The following ADAM32 variants were observed in gnomAD, a reference collection of about 807,000 sequenced individuals.
ADAM32 encodes the protein ADAM metallopeptidase domain 32, also known as disintegrin and metalloproteinase domain-containing protein 32.
Under a neutral mutation model 114.9 loss-of-function variants are expected in ADAM32, and 89 were observed. The observed-to-expected ratio is 0.77, with a 90% CI of 0.65 to 0.92. The LOEUF is 0.92. ADAM32 is among the 40% of genes least tolerant of loss of function. The pLI, the probability that ADAM32 is intolerant of heterozygous loss-of-function variation, is 0.00. For synonymous variants in ADAM32, 285 were observed against 307.5 expected (o/e 0.93, Z 0.77); for missense variants, 870 against 932.8 (o/e 0.93, Z 0.88).
intron 12 of ADAM32, among the ~76,000 whole-genome samples, chr8:39,217,670 G>C (rs1808675978): frequency 6.6e-6 from 1 of 151,494 alleles, no homozygotes; most frequent in African/African-American, 2.4e-5. Flanking sequence ...TTCTTCAGTA[G>C]GTCAATTGTG....
At chr8:39,271,062 T>C in intron 20 of ADAM32, 148 bp downstream of exon 20, 1 of 674,328 alleles carries the variant, frequency 1.5e-6, no homozygotes, top group Non-Finnish European at 2.5e-6. Context: ...TCTAATTTAG[T>C]TTCTAATAAA....
At chr8:39,114,192 T>G (rs1840281276) in intron 1 of ADAM32, among the ~76,000 whole-genome samples, 1 of 152,204 alleles carries the variant, frequency 6.6e-6, no homozygotes, top group African/African-American at 2.4e-5. Flanking sequence ...TCAGGATTAG[T>G]GTCAGTTCAG....
At chr8:39,124,618 G>A (rs561463985) in intron 2 of ADAM32, among the ~76,000 whole-genome samples, 27 of 151,990 alleles carry the variant, frequency 1.8e-4, no homozygotes, top group African/African-American at 2.7e-4. Flanking sequence ...GGGTTTCACC[G>A]TGTTAGCCAG....
chr8:39,274,637 T>C (rs1313997469), intron 21 of ADAM32, among the ~76,000 whole-genome samples: 10 of 152,188 alleles, frequency 6.6e-5, no homozygotes. Context: ...GTATAGGGCC[T>C]AGAAGTTACC....
chr8:39,232,857 T>A (rs1218346245), intron 15 of ADAM32, among the ~76,000 whole-genome samples: 2 of 152,196 alleles, frequency 1.3e-5, no homozygotes, highest in Non-Finnish European at 2.9e-5. Context: ...TCTGTAATGA[T>A]TTATTTCACT....
intron 20 of ADAM32, among the ~76,000 whole-genome samples, chr8:39,273,000 C>A (rs1309120076): frequency 6.6e-6 from 1 of 151,600 alleles, no homozygotes; most frequent in Non-Finnish European, 1.5e-5. Context: ...TTGGTCTATG[C>A]AGGGTCAAGA....
chr8:39,110,195 A>G (rs997764386), intron 1 of ADAM32, among the ~76,000 whole-genome samples: 3 of 151,932 alleles, frequency 2.0e-5, no homozygotes, highest in Admixed American at 1.3e-4. Context: ...CAGCCTCCCA[A>G]ATAGCTGGGA....
intron 10 of ADAM32, among the ~76,000 whole-genome samples, chr8:39,177,616 G>A (rs1805609295): frequency 6.6e-6 from 1 of 152,104 alleles, no homozygotes; most frequent in South Asian, 2.1e-4. Flanking sequence ...ACTGATCTGT[G>A]TACTTCAATG....
chr8:39,274,027 T>G (rs1408599237), intron 20 of ADAM32, among the ~76,000 whole-genome samples: 1 of 152,098 alleles, frequency 6.6e-6, no homozygotes, highest in Non-Finnish European at 1.5e-5. Context: ...TGTTTTTTTC[T>G]GAACGGATCT....
In ADAM32 at chr8:39,236,470, A is replaced by T. The variant is rs374321686; in HGVS notation, c.1818+2388A>T. 8.5e-5 allele frequency among the ~76,000 whole-genome samples: 13 copies of T among 152,276 alleles called. No individual in the cohort carries two copies. The East Asian group carries it at 1.7e-3, about 20-fold the overall frequency. On this transcript the variant is annotated intron_variant, in intron 16 of 24. Coordinates refer to ENST00000379907, the MANE Select transcript of ADAM32 (RefSeq NM_145004.7). ...ATCCTCCACTTTTCTGCCCTGAATC[A>T]TTAAAAAAATTATTTTAAAAAATAT...
At chr8:39,160,597 G>A (rs1003488102) in intron 6 of ADAM32, among the ~76,000 whole-genome samples, 9 of 131,232 alleles carry the variant, frequency 6.9e-5, no homozygotes, top group Non-Finnish European at 1.3e-4. Context: ...AGTTTTTAAA[G>A]CAAAAGTTTA....
intron 13 of ADAM32, among the ~76,000 whole-genome samples, chr8:39,222,386 A>C (rs1300946529): frequency 6.6e-6 from 1 of 152,004 alleles, no homozygotes; most frequent in Non-Finnish European, 1.5e-5. Context: ...TTATTATCTG[A>C]TTGCATTCTT....
intron 6 of ADAM32, among the ~76,000 whole-genome samples, chr8:39,154,917 T>C (rs535641761): frequency 1.3e-5 from 2 of 152,094 alleles, no homozygotes; most frequent in Admixed American, 6.6e-5. Context: ...GTTTAAGTTC[T>C]TTGTAGATTC....
At chr8:39,180,763 G>C (rs1805821979) in intron 10 of ADAM32, among the ~76,000 whole-genome samples, 1 of 152,126 alleles carries the variant, frequency 6.6e-6, no homozygotes, top group African/African-American at 2.4e-5. Flanking sequence ...TGCTCTGGTG[G>C]GGCCTTGGAG....
intron 10 of ADAM32, among the ~76,000 whole-genome samples, chr8:39,173,555 T>A (rs1394529902): frequency 1.3e-5 from 2 of 152,092 alleles, no homozygotes; most frequent in African/African-American, 4.8e-5. Flanking sequence ...GTAGACTCTG[T>A]AGATTAGACC....
At chr8:39,238,364 C>T (rs554551972) in intron 16 of ADAM32, among the ~76,000 whole-genome samples, 1 of 152,180 alleles carries the variant, frequency 6.6e-6, no homozygotes, top group East Asian at 1.9e-4. Context: ...GAAGCCCTAT[C>T]CCTAAGGGAA....
At position 39,169,754 on chromosome 8, in the gene ADAM32, A is replaced by G. The variant is rs1805075275; in HGVS notation, c.834-162A>G. ...AATTAATACTAATATGTCATATTAA[A>G]TAATATTCCAAATTTGAAACAATTG... On this transcript the variant is annotated intron_variant, in intron 9 of 24. Coordinates refer to ENST00000379907, the MANE Select transcript of ADAM32 (RefSeq NM_145004.7). 7.8e-6 allele frequency: 4 copies of G among 511,694 alleles called. No individual in the cohort carries two copies. In the East Asian group the frequency reaches 8.9e-5, roughly 11 times the overall value. The allele number at this position is 511,694 out of a possible 1,614,324, so 31.7% of individuals were successfully genotyped here.
At chr8:39,268,302 G>C (rs1455065420) in intron 19 of ADAM32, among the ~76,000 whole-genome samples, 1 of 152,074 alleles carries the variant, frequency 6.6e-6, no homozygotes, top group Admixed American at 6.5e-5. Context: ...TTGTGTAGTG[G>C]TATCTCATTA....
intron 12 of ADAM32, among the ~76,000 whole-genome samples, chr8:39,216,854 T>A (rs1808603382): frequency 6.6e-6 from 1 of 151,556 alleles, no homozygotes; most frequent in Non-Finnish European, 1.5e-5. Flanking sequence ...CATCTAGTCT[T>A]TCTGCTTAGA....
Sources: gnomAD v4.1 joint callset for allele counts (sites outside exome capture counted in the v4.1 genomes callset) on GRCh38, gnomAD v4.1.1 for gene constraint, MANE v1.5 for transcripts, NCBI Gene and HGNC (gene_info 2026-07-23, HGNC 2026-07-21) for gene names.